The following ATXN7 variants were observed in gnomAD, a reference collection of about 807,000 sequenced individuals.
The protein encoded by ATXN7 is ataxin-7.
A neutral mutation model predicts 70.5 loss-of-function variants in ATXN7; 12 were observed. The ratio of observed to expected loss-of-function variants is 0.17; its 90% CI spans 0.11 to 0.28. The LOEUF (loss-of-function observed/expected upper bound fraction) is 0.28. Ranked by LOEUF, ATXN7 falls within the 10% of genes least tolerant of loss-of-function variation. The pLI is 1.00. For synonymous variants in ATXN7, 498 were observed against 448.7 expected (o/e 1.11, Z -1.39); for missense variants, 1,256 against 1,131.7 (o/e 1.11, Z -1.58).
At chr3:63,897,424 A>G (rs570991796) in intron 1 of ATXN7, among the ~76,000 whole-genome samples, 3 of 152,360 alleles carry the variant, frequency 2.0e-5, no homozygotes, top group South Asian at 4.1e-4. Context: ...AAAGATAATT[A>G]TGAGTAAATG....
intron 5 of ATXN7, among the ~76,000 whole-genome samples, chr3:63,960,559 G>A (rs1157717404): frequency 6.6e-6 from 1 of 152,160 alleles, no homozygotes; most frequent in Non-Finnish European, 1.5e-5. Flanking sequence ...GGGCAGAGAA[G>A]TGTGAACAGA....
intron 4 of ATXN7, among the ~76,000 whole-genome samples, chr3:63,925,616 G>A (rs1465442484): frequency 2.0e-5 from 3 of 152,180 alleles, no homozygotes; most frequent in African/African-American, 7.2e-5. Flanking sequence ...AAAGATTGGG[G>A]ACTGCTGCTT....
chr3:63,866,101 G>T (rs979161446), intron 1 of ATXN7, among the ~76,000 whole-genome samples: 1 of 152,020 alleles, frequency 6.6e-6, no homozygotes, highest in African/African-American at 2.4e-5. Flanking sequence ...ATTCATAAAT[G>T]GAGTGCTGTT....
chr3:63,995,563 A>G lies in ATXN7; in HGVS notation c.1741A>G (p.Thr581Ala). The G allele has an allele frequency of 6.2e-7, 1 of 1,614,110 alleles. No individual in the cohort carries two copies. The highest frequency in any genetic ancestry group is 2.2e-5 in the East Asian group (1 of 44,868). The change falls in exon 12 of 13, where the codon ACA becomes GCA. Residue 581 changes from threonine (T) to alanine (A), a missense_variant. Transcript: ENST00000674280. ...SPISTRIPHR[T>A]NSVPTSQCGV... ...CATCTCCACACGTATTCCTCACCGGACAAACTCTGTGCCGACATCACAATG... is the reference window on the plus strand; with the variant it reads ...CATCTCCACACGTATTCCTCACCGGGCAAACTCTGTGCCGACATCACAATG...
At chr3:63,903,471 A>G (rs1214030385) in intron 2 of ATXN7, among the ~76,000 whole-genome samples, 5 of 151,646 alleles carry the variant, frequency 3.3e-5, no homozygotes, top group Non-Finnish European at 5.9e-5. Context: ...CTTGGCTGTC[A>G]TTGCACTTCT....
chr3:63,976,297 G>A (rs2075387346), intron 5 of ATXN7, among the ~76,000 whole-genome samples: 1 of 152,184 alleles, frequency 6.6e-6, no homozygotes, highest in Non-Finnish European at 1.5e-5. Context: ...TTTCTTGTGG[G>A]GGGAAAGCCA....
At chr3:63,876,738 C>G (rs1281302843) in intron 1 of ATXN7, among the ~76,000 whole-genome samples, 2 of 152,154 alleles carry the variant, frequency 1.3e-5, no homozygotes, top group African/African-American at 4.8e-5. Context: ...GAGTAGCTCT[C>G]TTTTCCATAA....
rs562214756 is a variant in ATXN7, at chr3:63,910,606, TTA to T, written c.-11-1978_-11-1977del. Reference sequence around the variant, plus strand: ...GGGAACTCTATTCCTGTCAAGGGAATTATATGTTTTACTCCTGTGCATTTTTC... The same window carrying T: ...GGGAACTCTATTCCTGTCAAGGGAATTATGTTTTACTCCTGTGCATTTTTC... On this transcript the variant is annotated intron_variant, in intron 2 of 12. Coordinates refer to ENST00000674280, the MANE Select transcript of ATXN7 (RefSeq NM_001377405.1). Among the ~76,000 whole-genome samples the T allele has an allele frequency of 2.0e-4, 30 of 152,308 alleles. 1 individual carries two copies. The South Asian group carries it at 6.0e-3, about 30-fold the overall frequency.
In ATXN7 at chr3:64,001,065, G is replaced by C. The variant is rs2075828362; in HGVS notation, c.*1598G>C. ...ATTCTTTTTTTCCTACAGTTCTTGG[G>C]TTTCAAACTTCAGTTTCAGGGAATT... On this transcript the variant is annotated 3_prime_UTR_variant, in exon 13 of 13. Transcript: ENST00000674280. The C allele has an allele frequency of 2.0e-5, 3 of 151,942 alleles. No individual in the cohort carries two copies. Among genetic ancestry groups the C allele is most frequent in the Admixed American group, 6.6e-5 (1 of 15,264 alleles). The allele number at this position is 151,942 out of a possible 1,614,324, so 9.4% of individuals were successfully genotyped here. A position where few individuals can be genotyped will look rare whatever the true frequency, so the allele number is the denominator to read the frequency against.
intron 1 of ATXN7, among the ~76,000 whole-genome samples, chr3:63,879,099 T>A (rs1214431756): frequency 6.6e-6 from 1 of 152,176 alleles, no homozygotes; most frequent in Non-Finnish European, 1.5e-5. Context: ...TTCACTTTCA[T>A]CATTTTATCT....
chr3:63,908,115 A>C (rs1277803216), intron 2 of ATXN7, among the ~76,000 whole-genome samples: 1 of 152,150 alleles, frequency 6.6e-6, no homozygotes, highest in Non-Finnish European at 1.5e-5. Flanking sequence ...GTTTTCAAAA[A>C]GCTATTTATG....
intron 5 of ATXN7, among the ~76,000 whole-genome samples, chr3:63,967,247 G>A (rs1354839233): frequency 6.6e-6 from 1 of 152,140 alleles, no homozygotes; most frequent in East Asian, 1.9e-4. Context: ...GAAAGCTTTA[G>A]TCAGTCCTCT....
intron 8 of ATXN7, among the ~76,000 whole-genome samples, chr3:63,983,806 T>C (rs1171975716): frequency 6.6e-6 from 1 of 152,122 alleles, no homozygotes; most frequent in Non-Finnish European, 1.5e-5. Flanking sequence ...TCTACATAAA[T>C]GAGCTTGTAT....
chr3:63,994,237 G>T (rs565105639), intron 11 of ATXN7, among the ~76,000 whole-genome samples: 1 of 152,134 alleles, frequency 6.6e-6, no homozygotes, highest in African/African-American at 2.4e-5. Context: ...TTTTTTGTTT[G>T]TTTTGTTTTG....
Position 63,990,099 on chromosome 3 carries a change from A to C in ATXN7, c.1362-77A>C, listed in dbSNP as rs1219265199. ...AGGCCTCTGCTAGGTTGTTTTGGAC[A>C]CACTGTTGTATCTCAGTTAAGGTGG... On this transcript the variant is annotated intron_variant, in intron 9 of 12. Coordinates refer to ENST00000674280, the MANE Select transcript of ATXN7 (RefSeq NM_001377405.1). 11 of 1,422,538 alleles carry C rather than the reference A, an allele frequency of 7.7e-6. No individual in the cohort carries two copies. The East Asian group carries it at 2.1e-4, about 27-fold the overall frequency. The allele number at this position is 1,422,538 out of a possible 1,614,324, so 88.1% of individuals were successfully genotyped here. A position where few individuals can be genotyped will look rare whatever the true frequency, so the allele number is the denominator to read the frequency against.
chr3:63,887,810 C>T (rs958564848), intron 1 of ATXN7, among the ~76,000 whole-genome samples: 7 of 150,844 alleles, frequency 4.6e-5, no homozygotes, highest in Non-Finnish European at 8.8e-5. Flanking sequence ...AGGTCTCAAA[C>T]GATCCACCTG....
chr3:63,920,781 A>G (rs1704482854), intron 4 of ATXN7, among the ~76,000 whole-genome samples: 1 of 152,174 alleles, frequency 6.6e-6, no homozygotes, highest in Non-Finnish European at 1.5e-5. Flanking sequence ...AGCAAACACA[A>G]TCATCTGGGA....
In ATXN7 at chr3:63,885,938, A is replaced by G. The variant is rs184685216; in HGVS notation, c.-110-12461A>G. ...AGGCTGAGCCAGGAGAATCGCTTCAACCTGGGAGGTGAAGTTTGCAGTGAG... is the reference window on the plus strand; with the variant it reads ...AGGCTGAGCCAGGAGAATCGCTTCAGCCTGGGAGGTGAAGTTTGCAGTGAG... On this transcript the variant is annotated intron_variant, in intron 1 of 12. Transcript: ENST00000674280. Among the ~76,000 whole-genome samples the G allele has an allele frequency of 7.9e-5, 12 of 152,270 alleles. 1 individual carries two copies. Among genetic ancestry groups the G allele is most frequent in the South Asian group, 4.2e-4 (2 of 4,818 alleles).
At chr3:63,997,997 T>G (rs962318810) in intron 12 of ATXN7, 1 of 985,398 alleles carries the variant, frequency 1.0e-6, no homozygotes. Context: ...CATTACAGTT[T>G]ATAAGCATAA....
Sources: allele counts gnomAD v4.1 joint callset (sites outside exome capture counted in the v4.1 genomes callset), GRCh38; gene constraint gnomAD v4.1.1; transcripts MANE v1.5; gene names NCBI Gene and HGNC (gene_info 2026-07-23, HGNC 2026-07-21).